The following SYT11 variants were observed in gnomAD, a reference collection of about 807,000 sequenced individuals.
SYT11 encodes synaptotagmin 11, also known as synaptotagmin-11.
Under a neutral mutation model 30.4 loss-of-function variants are expected in SYT11, and 12 were observed. The observed-to-expected ratio is 0.39, with a 90% CI of 0.25 to 0.64. The LOEUF is 0.64. Among genes scored for constraint, SYT11 ranks in the 30% least tolerant of loss-of-function variants. SYT11 has a pLI of 0.45. For synonymous variants in SYT11, 204 were observed against 216.0 expected, an observed-to-expected ratio of 0.94 and a Z score of 0.49; for missense variants, 412 against 552.0, an observed-to-expected ratio of 0.75 and a Z score of 2.54.
At chr1:155,866,991 C>CAT (rs56674549) in intron 1 of SYT11, among the ~76,000 whole-genome samples, 4 of 79,870 alleles carry the variant, frequency 5.0e-5, no homozygotes, top group African/African-American at 1.4e-4. Context: ...CACACACACA[C>CAT]ATATATATAT....
chr1:155,865,603 G>T, intron 1 of SYT11, among the ~76,000 whole-genome samples: 1 of 151,442 alleles, frequency 6.6e-6, no homozygotes, highest in Non-Finnish European at 1.5e-5. Flanking sequence ...ACTTTAGCCT[G>T]GGCAACAAGA....
At position 155,883,604 on chromosome 1, in the gene SYT11, C is replaced by G. The variant is rs1459290467; in HGVS notation, c.*2096C>G. ...ATAGGCAGTAGATATTTTTGCCCAC[C>G]TGAGGAGGAACTCAGTCAAGCTGTT... On this transcript the variant is annotated 3_prime_UTR_variant, in exon 4 of 4. Transcript: ENST00000368324. The G allele has an allele frequency of 9.9e-5, 15 of 152,200 alleles. No individual in the cohort carries two copies. Among genetic ancestry groups the G allele is most frequent in the Admixed American group, 4.6e-4 (7 of 15,266 alleles). The allele number at this position is 152,200 out of a possible 1,614,324, so 9.4% of individuals were successfully genotyped here. A position where few individuals can be genotyped will look rare whatever the true frequency, so the allele number is the denominator to read the frequency against.
At chr1:155,880,681 G>A in intron 3 of SYT11, 58 bp downstream of exon 3, 2 of 1,603,764 alleles carry the variant, frequency 1.2e-6, no homozygotes, top group Non-Finnish European at 1.7e-6. Flanking sequence ...CTCCTTGCCT[G>A]TGGCCCAGAT....
At chr1:155,872,873 C>T (rs955996665) in intron 2 of SYT11, among the ~76,000 whole-genome samples, 5 of 151,996 alleles carry the variant, frequency 3.3e-5, no homozygotes, top group African/African-American at 1.2e-4. Context: ...GCATGCTGCC[C>T]GTGTGAGATG....
Position 155,874,673 on chromosome 1 carries a change from G to A in SYT11, c.862-5827G>A, listed in dbSNP as rs1009162998. Among the ~76,000 whole-genome samples, 13 of 149,998 alleles carry A rather than the reference G, an allele frequency of 8.7e-5. 1 individual carries two copies. Among genetic ancestry groups the A allele is most frequent in the East Asian group, 1.9e-4 (1 of 5,156 alleles). ...TGGGAGGCCGAGGCAGGCGGATCAC[G>A]AGGTCAGGAGATAGAGACCATCCTG... On this transcript the variant is annotated intron_variant, in intron 2 of 3. Transcript: ENST00000368324.
chr1:155,861,073 G>T (rs111872775), intron 1 of SYT11, among the ~76,000 whole-genome samples: 7,673 of 152,184 alleles, frequency 0.05, 223 homozygotes, highest in African/African-American at 0.059. Context: ...TCCTGAATAA[G>T]AGGTACAGTG....
At position 155,884,302 on chromosome 1, in the gene SYT11, C is replaced by T. The variant is rs1392899039; in HGVS notation, c.*2794C>T. ...TCACCCCACTCTCCTCTCTCTTCCC[C>T]ATTTCCTTGTAGCTTTATTCCTTGC... is the stretch of plus-strand genomic sequence containing the variant. On this transcript the variant is annotated 3_prime_UTR_variant, in exon 4 of 4. Coordinates refer to ENST00000368324, the MANE Select transcript of SYT11 (RefSeq NM_152280.5). 1 of 153,054 alleles carries T rather than the reference C, an allele frequency of 6.5e-6. No individual in the cohort carries two copies. Among genetic ancestry groups the T allele is most frequent in the Non-Finnish European group, 1.5e-5 (1 of 68,276 alleles). The allele number at this position is 153,054 out of a possible 1,614,324, so 9.5% of individuals were successfully genotyped here.
rs1672969848 is a variant in SYT11, at chr1:155,881,869, C to G, written c.*361C>G. ...TCAGCCTCCCAAGTAGCTGGGATTA[C>G]AGGCACCCACGAGCATGCCCGGCTA... is the stretch of plus-strand genomic sequence containing the variant. On this transcript the variant is annotated 3_prime_UTR_variant, in exon 4 of 4. Coordinates refer to ENST00000368324, the MANE Select transcript of SYT11 (RefSeq NM_152280.5). 1 of 159,382 alleles carries G rather than the reference C, an allele frequency of 6.3e-6. No individual in the cohort carries two copies. Among genetic ancestry groups the G allele is most frequent in the Non-Finnish European group, 1.4e-5 (1 of 73,024 alleles). 9.9% of individuals were successfully genotyped at this position (159,382 alleles called of 1,614,324 possible). A position where few individuals can be genotyped will look rare whatever the true frequency, so the allele number is the denominator to read the frequency against.
intron 1 of SYT11, among the ~76,000 whole-genome samples, chr1:155,864,323 T>C (rs1282122594): frequency 1.3e-5 from 2 of 152,224 alleles, no homozygotes; most frequent in Non-Finnish European, 2.9e-5. Flanking sequence ...AAAATAGCAA[T>C]TTTATTATTG....
rs1221409925 is a variant in SYT11 at position 155,871,255 on chromosome 1, C to T, written c.861+2464C>T. ...AGTGGCCTGTTTCATCCCCTTCTCTCCCCTCCCCTGTCCCATCTTTTTTCC... is the reference window on the plus strand; with the variant it reads ...AGTGGCCTGTTTCATCCCCTTCTCTTCCCTCCCCTGTCCCATCTTTTTTCC... On this transcript the variant is annotated intron_variant, in intron 2 of 3. Transcript: ENST00000368324. Among the ~76,000 whole-genome samples the T allele has an allele frequency of 2.0e-5, 3 of 152,166 alleles. No individual in the cohort carries two copies. The East Asian group carries it at 5.8e-4, about 29-fold the overall frequency.
chr1:155,884,641 G>A lies in SYT11; in HGVS notation c.*3133G>A, dbSNP rs528125607. 3 of 152,910 alleles carry A rather than the reference G, an allele frequency of 2.0e-5. No homozygotes were observed. Among genetic ancestry groups the A allele is most frequent in the South Asian group, 4.1e-4 (2 of 4,824 alleles). The allele number at this position is 152,910 out of a possible 1,614,324, so 9.5% of individuals were successfully genotyped here. A position where few individuals can be genotyped will look rare whatever the true frequency, so the allele number is the denominator to read the frequency against. Reference sequence around the variant, plus strand: ...ATCTTAGCTTTTGCACAAGGCATTCGTGGTCAGGAATAGGTTAGGGAATGG... The same window carrying A: ...ATCTTAGCTTTTGCACAAGGCATTCATGGTCAGGAATAGGTTAGGGAATGG... On this transcript the variant is annotated 3_prime_UTR_variant, in exon 4 of 4. Coordinates refer to ENST00000368324, the MANE Select transcript of SYT11 (RefSeq NM_152280.5).
chr1:155,862,632 G>T (rs560155309), intron 1 of SYT11, among the ~76,000 whole-genome samples: 2 of 152,250 alleles, frequency 1.3e-5, no homozygotes, highest in African/African-American at 4.8e-5. Context: ...GCAGTGGGTT[G>T]CCCCCCGCTC....
intron 2 of SYT11, among the ~76,000 whole-genome samples, chr1:155,878,252 A>G (rs956709169): frequency 6.6e-6 from 1 of 152,094 alleles, no homozygotes; most frequent in African/African-American, 2.4e-5. Context: ...CAAAAAAATG[A>G]CAGCTTTGCC....
At chr1:155,869,058 T>G (rs1015596236) in intron 2 of SYT11, among the ~76,000 whole-genome samples, 15 of 152,150 alleles carry the variant, frequency 9.9e-5, no homozygotes, top group African/African-American at 2.7e-4. Flanking sequence ...CTGTCCAGCT[T>G]ACTTGGAACA....
At chr1:155,880,667 C>G in intron 3 of SYT11, 44 bp downstream of exon 3, 1 of 1,609,352 alleles carries the variant, frequency 6.2e-7, no homozygotes, top group Non-Finnish European at 8.5e-7. Context: ...TGAACCATCC[C>G]CGACTCCTTG....
At chr1:155,873,153 C>T (rs1672805129) in intron 2 of SYT11, among the ~76,000 whole-genome samples, 1 of 152,144 alleles carries the variant, frequency 6.6e-6, no homozygotes, top group African/African-American at 2.4e-5. Flanking sequence ...GTCGGCTAGG[C>T]GCGGTGTCTC....
At chr1:155,878,806 G>A (rs1672911997) in intron 2 of SYT11, among the ~76,000 whole-genome samples, 1 of 152,052 alleles carries the variant, frequency 6.6e-6, no homozygotes, top group South Asian at 2.1e-4. Context: ...GGCGGAGGTT[G>A]CAGTGAGCCG....
chr1:155,878,785 T>G (rs1672911549), intron 2 of SYT11, among the ~76,000 whole-genome samples: 1 of 151,930 alleles, frequency 6.6e-6, no homozygotes, highest in South Asian at 2.1e-4. Context: ...GAGAATGGCA[T>G]GAACCTGGGA....
At chr1:155,869,005 T>C (rs822520) in intron 2 of SYT11, among the ~76,000 whole-genome samples, 146,632 of 152,232 alleles carry the variant, frequency 0.96, 70,880 homozygotes, top group East Asian at 1. Flanking sequence ...GAGAGAAGGT[T>C]CAATAGCTTT....
Sources: gnomAD v4.1 joint callset for allele counts (sites outside exome capture counted in the v4.1 genomes callset) on GRCh38, gnomAD v4.1.1 for gene constraint, MANE v1.5 for transcripts, NCBI Gene and HGNC (gene_info 2026-07-23, HGNC 2026-07-21) for gene names.